ZNF208: variants seen among roughly 807,000 people sequenced by gnomAD.
ZNF208 encodes zinc finger protein 208.
A neutral mutation model predicts 12.1 loss-of-function variants in ZNF208; 10 were observed. That is an observed-to-expected ratio of 0.83 (90% CI 0.51 to 1.40). ZNF208 has a LOEUF of 1.40. Among genes scored for constraint, ZNF208 ranks in the 40% most tolerant of loss-of-function variants. ZNF208 has a pLI of 0.00. For synonymous variants in ZNF208, 497 were observed against 488.4 expected (o/e 1.02, Z -0.23); for missense variants, 1,652 against 1,485.0 (o/e 1.11, Z -1.85).
chr19:21,974,901 A>C, intron 3 of ZNF208, 94 bp from the exon 4 acceptor site: 1 of 1,382,216 alleles, frequency 7.2e-7, no homozygotes. Context: ...CAAACTACAT[A>C]AGCAAGATGA....
chr19:21,982,779 A>G (rs1305632346), intron 3 of ZNF208, among the ~76,000 whole-genome samples: 4 of 152,224 alleles, frequency 2.6e-5, no homozygotes, highest in African/African-American at 7.2e-5. Context: ...TTCCCTATTT[A>G]ATAAATGGTG....
Position 21,954,479 on chromosome 19 carries a change from G to T in ZNF208, c.305+20250C>A, listed in dbSNP as rs188427515. Among the ~76,000 whole-genome samples the T allele has an allele frequency of 6.2e-3, 950 of 152,262 alleles. 4 individuals are homozygous for T. The highest frequency in any genetic ancestry group is 0.01 in the Non-Finnish European group (690 of 68,016). On this transcript the variant is annotated intron_variant, in intron 4 of 4. Coordinates refer to the ZNF208 transcript ENST00000599916. ...ATTGTGTGGGAGTCTAAGTCTCTTT[G>T]TAGGTCTCTAAGGACTTGCTTTATG...
Position 21,971,294 on chromosome 19 carries a change from T to C in ZNF208, c.3740A>G (p.His1247Arg). The change falls in exon 4 of 4, where the codon CAT becomes CGT. Residue 1247 changes from histidine (H) to arginine (R), a missense_variant. Physicochemically the swap from His to Arg is conservative, Grantham distance 29. Around this residue, in one of 3 missense-constraint regions of ZNF208, gnomAD observed 1,239 missense variants for 1,086.2 expected, o/e 1.14. Coordinates refer to ENST00000397126, the MANE Select transcript of ZNF208 (RefSeq NM_007153.3). The stretch of plus-strand genomic sequence containing the variant: ...ACATTTGTAGGGTTTCTCTCCAGTA[T>C]GAATTACCTTATGTTTAGTGAGGAT... ...FSILTKHKVI[H>R]TGEKPYKCEE... is the part of the protein sequence containing the mutation. 1.2e-6 allele frequency: 2 copies of C among 1,612,194 alleles called. No homozygotes were observed. Among genetic ancestry groups the C allele is most frequent in the Non-Finnish European group, 1.7e-6 (2 of 1,179,930 alleles).
chr19:21,960,503 G>T (rs1288686572), intron 4 of ZNF208, among the ~76,000 whole-genome samples: 1 of 152,152 alleles, frequency 6.6e-6, no homozygotes, highest in Non-Finnish European at 1.5e-5. Flanking sequence ...TTACACAATG[G>T]AATGCTCTTT....
At chr19:21,996,159 GCAGA>G (rs1214459308) in intron 1 of ZNF208, among the ~76,000 whole-genome samples, 1 of 152,110 alleles carries the variant, frequency 6.6e-6, no homozygotes, top group African/African-American at 2.4e-5. Context: ...ATGAACATAA[GCAGA>G]CAGTTTATTT....
chr19:22,003,903 G>A (rs1373147468), intron 1 of ZNF208, among the ~76,000 whole-genome samples: 1 of 152,058 alleles, frequency 6.6e-6, no homozygotes, highest in Non-Finnish European at 1.5e-5. Flanking sequence ...GGGCATGTTG[G>A]CACACGTCTG....
intron 4 of ZNF208, among the ~76,000 whole-genome samples, chr19:21,959,181 T>G (rs6511302): frequency 6.6e-6 from 1 of 152,112 alleles, no homozygotes; most frequent in Admixed American, 6.6e-5. Context: ...GAAAAGTGCA[T>G]ATTTAAATTT....
At chr19:21,941,932 C>T (rs1356524252) in intron 4 of ZNF208, among the ~76,000 whole-genome samples, 2 of 151,978 alleles carry the variant, frequency 1.3e-5, no homozygotes, top group Non-Finnish European at 2.9e-5. Flanking sequence ...TTTAGAAAAT[C>T]TAAGATTGGT....
At chr19:21,961,523 G>C (rs1970069955), downstream of ZNF208, among the ~76,000 whole-genome samples, 1 of 152,128 alleles carries the variant, frequency 6.6e-6, no homozygotes, top group Non-Finnish European at 1.5e-5. Flanking sequence ...TTCGAGAGCA[G>C]AGAACCAGTC....
At chr19:21,955,197 G>A (rs1037093430) in intron 4 of ZNF208, among the ~76,000 whole-genome samples, 8 of 150,870 alleles carry the variant, frequency 5.3e-5, no homozygotes, top group Admixed American at 2.0e-4. Context: ...GCTGAGATCA[G>A]CTGTTAGCCT....
Position 21,973,582 on chromosome 19 carries a change from T to C in ZNF208, c.1452A>G (p.Glu484=), listed in dbSNP as rs762673856. The part of the protein sequence containing the change: ...IHNGEKPYKC[E]ECDKATHAGE... ...CAGCATGAGTTGCCTTATCACATTC[T>C]TCACATTTGTAGGGTTTCTCTCCAT... The change falls in exon 4 of 4, where the codon GAA becomes GAG. Residue 484 remains glutamate (E), a synonymous_variant. Coordinates refer to ENST00000397126, the MANE Select transcript of ZNF208 (RefSeq NM_007153.3). 8 of 1,612,452 alleles carry C rather than the reference T, an allele frequency of 5.0e-6. No homozygotes were observed. The highest frequency in any genetic ancestry group is 5.9e-6 in the Non-Finnish European group (7 of 1,179,534).
intron 4 of ZNF208, chr19:21,941,257 A>G (rs1301530430): frequency 7.5e-6 from 3 of 399,106 alleles, no homozygotes; most frequent in Non-Finnish European, 1.3e-5. Context: ...ATGAAAGTCA[A>G]AGAAAATTAG....
intron 1 of ZNF208, among the ~76,000 whole-genome samples, chr19:21,989,155 T>C (rs1333922371): frequency 6.6e-6 from 1 of 151,918 alleles, no homozygotes; most frequent in African/African-American, 2.4e-5. Flanking sequence ...ATTACATATG[T>C]ATACATGTGC....
At chr19:21,943,096 A>G (rs1012991438) in intron 4 of ZNF208, among the ~76,000 whole-genome samples, 3 of 152,252 alleles carry the variant, frequency 2.0e-5, no homozygotes, top group Admixed American at 2.0e-4. Context: ...TAAAAAATCA[A>G]CTGGAAGGCA....
chr19:21,947,099 T>C (rs1419601997), intron 4 of ZNF208, among the ~76,000 whole-genome samples: 1 of 152,182 alleles, frequency 6.6e-6, no homozygotes, highest in Non-Finnish European at 1.5e-5. Flanking sequence ...TCATCAGATA[T>C]GTAACTCAGA....
intron 3 of ZNF208, among the ~76,000 whole-genome samples, chr19:21,985,670 G>A (rs962647087): frequency 6.6e-6 from 1 of 152,200 alleles, no homozygotes; most frequent in Non-Finnish European, 1.5e-5. Context: ...CAGAAGCCTG[G>A]AGAGAGATAC....
downstream of ZNF208, among the ~76,000 whole-genome samples, chr19:21,962,776 G>A (rs1568438413): frequency 6.6e-6 from 1 of 152,050 alleles, no homozygotes; most frequent in Non-Finnish European, 1.5e-5. Flanking sequence ...AGCAAAATAA[G>A]CAGATGCATC....
In ZNF208 at chr19:21,973,575, C is replaced by T; in HGVS notation, c.1459G>A (p.Asp487Asn). ...GEKPYKCEECDKATHAGEKPY... is the reference protein window; with the variant it reads ...GEKPYKCEECNKATHAGEKPY... ...TTCTCTCCAGCATGAGTTGCCTTATCACATTCTTCACATTTGTAGGGTTTC... is the reference window on the plus strand; with the variant it reads ...TTCTCTCCAGCATGAGTTGCCTTATTACATTCTTCACATTTGTAGGGTTTC... The change falls in exon 4 of 4, where the codon GAT (aspartate) becomes AAT (asparagine). Residue 487 changes from aspartate to asparagine, a missense_variant. Asp to Asn is a conservative substitution (Grantham distance 23, BLOSUM62 1). Around this residue, in one of 3 missense-constraint regions of ZNF208, gnomAD observed 1,239 missense variants for 1,086.2 expected, o/e 1.14. Transcript: ENST00000397126. The T allele has an allele frequency of 2.5e-6, 4 of 1,608,718 alleles. No individual in the cohort carries two copies. Among genetic ancestry groups the T allele is most frequent in the Non-Finnish European group, 3.4e-6 (4 of 1,178,618 alleles).
At chr19:21,957,116 T>G (rs545885264) in intron 4 of ZNF208, among the ~76,000 whole-genome samples, 2 of 152,350 alleles carry the variant, frequency 1.3e-5, no homozygotes, top group South Asian at 4.1e-4. Context: ...CTCAGCTCAC[T>G]GCAACCTCTG....
Sources: allele counts gnomAD v4.1 joint callset (sites outside exome capture counted in the v4.1 genomes callset), GRCh38; gene constraint gnomAD v4.1.1; regional missense constraint gnomAD v4.1.1; transcripts MANE v1.5; gene names NCBI Gene and HGNC (gene_info 2026-07-23, HGNC 2026-07-21).